HSD17B12: variants seen among roughly 807,000 people sequenced by gnomAD.
The protein encoded by HSD17B12 is hydroxysteroid 17-beta dehydrogenase 12, also known as very-long-chain 3-oxoacyl-CoA reductase.
In HSD17B12, 32 loss-of-function variants were observed where a neutral mutation model predicts 39.3. That is an observed-to-expected ratio of 0.81 (90% confidence interval 0.61 to 1.09). HSD17B12 has a LOEUF of 1.09. Among genes scored for constraint, HSD17B12 ranks in the 50% least tolerant of loss-of-function variants. The pLI is 0.00. For synonymous variants in HSD17B12, 150 were observed against 146.7 expected, an observed-to-expected ratio of 1.02 and a Z score of -0.16; for missense variants, 342 against 382.9, an observed-to-expected ratio of 0.89 and a Z score of 0.89.
At chr11:43,641,001 A>C in the HSD17B12 span, 1 of 151,658 alleles carries the variant, frequency 6.6e-6, no homozygotes, top group Admixed American at 6.6e-5. Flanking sequence ...ATTTTTTTGG[A>C]TATTCTTTTA....
At chr11:43,733,906 G>T (rs1400862620) in intron 1 of HSD17B12, 1 of 687,026 alleles carries the variant, frequency 1.5e-6, no homozygotes, top group Non-Finnish European at 2.7e-6. Context: ...GGACATTGTA[G>T]TAGGGGAAGG....
At chr11:43,650,930 A>T in the HSD17B12 span, among the ~76,000 whole-genome samples, 1 of 152,228 alleles carries the variant, frequency 6.6e-6, no homozygotes, top group Non-Finnish European at 1.5e-5. Flanking sequence ...CTTAGTAGCT[A>T]TCTCAGTTGG....
chr11:43,789,010 C>T (rs1262655630), intron 3 of HSD17B12, among the ~76,000 whole-genome samples: 2 of 152,158 alleles, frequency 1.3e-5, no homozygotes, highest in African/African-American at 2.4e-5. Flanking sequence ...CTGTCTTCTA[C>T]GAATTTTCTT....
chr11:43,749,317 C>T (rs1950444270), intron 1 of HSD17B12, among the ~76,000 whole-genome samples: 1 of 151,968 alleles, frequency 6.6e-6, no homozygotes, highest in South Asian at 2.1e-4. Context: ...ATTTTGAATC[C>T]TGATTGGAAC....
chr11:43,719,135 G>A, intron 1 of HSD17B12: 1 of 758,856 alleles, frequency 1.3e-6, no homozygotes, highest in Non-Finnish European at 2.4e-6. Flanking sequence ...CAACAAAATT[G>A]GGATCATCTA....
chr11:43,692,358 T>C (rs1590664107), intron 1 of HSD17B12, among the ~76,000 whole-genome samples: 1 of 152,178 alleles, frequency 6.6e-6, no homozygotes, highest in African/African-American at 2.4e-5. Flanking sequence ...ACAAAGCTGG[T>C]TACAGAGTTA....
Position 43,855,841 on chromosome 11 carries a change from T to C in HSD17B12, c.*593T>C, listed in dbSNP as rs1335055681. 1.3e-5 allele frequency: 2 copies of C among 152,362 alleles called. No homozygotes were observed. Among genetic ancestry groups the C allele is most frequent in the Non-Finnish European group, 2.9e-5 (2 of 68,012 alleles). The allele number at this position is 152,362 out of a possible 1,614,324, so 9.4% of individuals were successfully genotyped here. The stretch of plus-strand genomic sequence containing the variant: ...TAATTGTGAAATATGGAATTATTTC[T>C]GACACATGAAGCCCACTAAACTATG... On this transcript the variant is annotated 3_prime_UTR_variant, in exon 11 of 11. Transcript: ENST00000278353.
At chr11:43,798,208 A>G in intron 3 of HSD17B12, 112 bp from the exon 4 acceptor site, 1 of 653,646 alleles carries the variant, frequency 1.5e-6, no homozygotes. Context: ...ATTTTGTATC[A>G]AATTGGGTGG....
At chr11:43,607,058 G>C in the HSD17B12 span, among the ~76,000 whole-genome samples, 1 of 152,124 alleles carries the variant, frequency 6.6e-6, no homozygotes, top group Middle Eastern at 3.2e-3. Context: ...TATATGTAAA[G>C]TGCTTAGCTC....
chr11:43,755,000 T>C (rs1489354990), intron 3 of HSD17B12: 1 of 618,904 alleles, frequency 1.6e-6, no homozygotes, highest in Non-Finnish European at 2.9e-6. Flanking sequence ...TGTCCCCAGT[T>C]TGCTGACCAT....
At chr11:43,754,443 G>T (rs1174801925) in intron 3 of HSD17B12, among the ~76,000 whole-genome samples, 1 of 152,124 alleles carries the variant, frequency 6.6e-6, no homozygotes, top group Non-Finnish European at 1.5e-5. Context: ...GGGTATGGTG[G>T]CGGGCACCTG....
rs1949807350 is a variant in HSD17B12 at position 43,687,038 on chromosome 11, C to T, written c.160+6051C>T. Among the ~76,000 whole-genome samples, 5 of 144,940 alleles carry T rather than the reference C, an allele frequency of 3.4e-5. No homozygotes were observed. In the South Asian group the frequency reaches 1.1e-3, roughly 32 times the overall value. ...GTTTCAGAAAAATTTGTCAGATTTA[C>T]ATAACAAAATTTATAAGTTTAGAAT... On this transcript the variant is annotated intron_variant, in intron 1 of 10. Transcript: ENST00000278353.
At chr11:43,717,656 C>T (rs1950136280) in intron 1 of HSD17B12, among the ~76,000 whole-genome samples, 1 of 152,094 alleles carries the variant, frequency 6.6e-6, no homozygotes, top group Non-Finnish European at 1.5e-5. Context: ...CAGTTTTCTT[C>T]CATGTGGTCT....
upstream of HSD17B12, among the ~76,000 whole-genome samples, chr11:43,677,203 G>C (rs1310653417): frequency 6.6e-6 from 1 of 152,122 alleles, no homozygotes; most frequent in Non-Finnish European, 1.5e-5. Flanking sequence ...AAGAAATAAG[G>C]CTCAAATTGA....
rs1305557449 is a variant in HSD17B12, at chr11:43,705,691, A to T, written c.160+24704A>T. On this transcript the variant is annotated intron_variant, in intron 1 of 10. Transcript: ENST00000278353. ...ATAAAGGTTGTGAAATCCATTTCAG[A>T]TGCTCCTGGTTTGGGAAGTATAAGG... Among the ~76,000 whole-genome samples the T allele has an allele frequency of 2.7e-5, 4 of 150,598 alleles. No homozygotes were observed. The South Asian group carries it at 8.5e-4, about 32-fold the overall frequency.
intron 1 of HSD17B12, among the ~76,000 whole-genome samples, chr11:43,731,002 A>T (rs1013294696): frequency 8.0e-5 from 12 of 149,264 alleles, no homozygotes; most frequent in African/African-American, 1.5e-4. Flanking sequence ...ATATTATTAA[A>T]TTTTTTTTTT....
intron 3 of HSD17B12, among the ~76,000 whole-genome samples, chr11:43,794,192 T>C (rs541790485): frequency 6.6e-6 from 1 of 152,222 alleles, no homozygotes; most frequent in Non-Finnish European, 1.5e-5. Context: ...AGTGGGATGC[T>C]AGCTCATACA....
intron 1 of HSD17B12, among the ~76,000 whole-genome samples, chr11:43,687,321 A>G (rs1949810568): frequency 2.0e-5 from 3 of 152,220 alleles, no homozygotes; most frequent in Non-Finnish European, 4.4e-5. Flanking sequence ...TCATTTGCCC[A>G]TTTATCCACC....
At position 43,800,109 on chromosome 11, in the gene HSD17B12, A is replaced by T. The variant is rs547620944; in HGVS notation, c.391+1682A>T. The stretch of plus-strand genomic sequence containing the variant: ...AAAGCACCACTGACATCTATAAAAA[A>T]ATCTTGACTTCCTTCACCTAGATCT... On this transcript the variant is annotated intron_variant, in intron 4 of 10. Coordinates refer to ENST00000278353, the MANE Select transcript of HSD17B12 (RefSeq NM_016142.3). Among the ~76,000 whole-genome samples, 27 of 152,352 alleles carry T rather than the reference A, an allele frequency of 1.8e-4. 1 individual carries two copies. The South Asian group carries it at 5.4e-3, about 30-fold the overall frequency.
Sources: allele counts gnomAD v4.1 joint callset (sites outside exome capture counted in the v4.1 genomes callset), GRCh38; gene constraint gnomAD v4.1.1; transcripts MANE v1.5; gene names NCBI Gene and HGNC (gene_info 2026-07-23, HGNC 2026-07-21).